The following PRH1 variants were observed in gnomAD, a reference collection of about 807,000 sequenced individuals.
The protein encoded by PRH1 is salivary acidic proline-rich phosphoprotein 1/2.
In PRH1, 7 loss-of-function variants were observed where a neutral mutation model predicts 7.9. That is an observed-to-expected ratio of 0.89 (90% CI 0.50 to 1.67). The LOEUF (loss-of-function observed/expected upper bound fraction) is 1.67. Ranked by LOEUF, PRH1 falls within the 40% of genes most tolerant of loss-of-function variation. PRH1 has a pLI of 0.00. For missense variants in PRH1, 109 were observed against 223.6 expected (o/e 0.49, Z 3.27); for synonymous variants, 45 against 80.8 (o/e 0.56, Z 2.38).
intron 2 of PRH1, among the ~76,000 whole-genome samples, chr12:10,901,084 C>G (rs966372033): frequency 6.6e-6 from 1 of 152,218 alleles, no homozygotes; most frequent in African/African-American, 2.4e-5. Context: ...TTCAAAGCAC[C>G]TGCTCACACA....
At chr12:10,920,791 G>A (rs554213818) in intron 2 of PRH1, among the ~76,000 whole-genome samples, 12 of 152,042 alleles carry the variant, frequency 7.9e-5, no homozygotes, top group Non-Finnish European at 1.5e-4. Flanking sequence ...CAATAAACAA[G>A]TATCTTTGTC....
At chr12:10,956,969 T>C (rs915264033) in intron 2 of PRH1, among the ~76,000 whole-genome samples, 1 of 151,980 alleles carries the variant, frequency 6.6e-6, no homozygotes. Context: ...ATCAATATTG[T>C]TTAAATGCCC....
At chr12:11,070,514 CTCTTCCAAGTG>C (rs1294811822) in intron 1 of PRH1, among the ~76,000 whole-genome samples, 23 of 152,256 alleles carry the variant, frequency 1.5e-4, no homozygotes, top group Middle Eastern at 6.8e-3. Flanking sequence ...CCGCTGTGGT[CTCTTCCAAGTG>C]TCTTCCAAGA....
intron 2 of PRH1, chr12:10,908,769 A>G (rs775398971): frequency 9.9e-6 from 16 of 1,613,860 alleles, no homozygotes; most frequent in African/African-American, 1.3e-5. Context: ...TTTGACCGAC[A>G]CTGAAAATGT....
At chr12:11,136,432 A>T (rs1946556566) in intron 1 of PRH1, among the ~76,000 whole-genome samples, 1 of 152,084 alleles carries the variant, frequency 6.6e-6, no homozygotes, top group South Asian at 2.1e-4. Context: ...TCTACTAGAG[A>T]ATTCTTTCAT....
chr12:10,897,317 C>A (rs1236871786), intron 2 of PRH1, among the ~76,000 whole-genome samples: 1 of 152,182 alleles, frequency 6.6e-6, no homozygotes, highest in African/African-American at 2.4e-5. Context: ...GGGGATATTT[C>A]TATCATTGCC....
At chr12:10,938,766 T>C in intron 2 of PRH1, 1 of 1,613,856 alleles carries the variant, frequency 6.2e-7, no homozygotes, top group Non-Finnish European at 8.5e-7. Flanking sequence ...TGGATGTTTA[T>C]CAGTGCAATA....
At position 10,945,126 on chromosome 12, in the gene PRH1, A is replaced by G. The variant is rs184534081; in HGVS notation, c.-59+28529T>C. Reference sequence around the variant, plus strand: ...ACTTTTTGGATTAGTTTCTGTAAAAATGGTAACAGCTCTTCTTTGTACACC... The same window carrying G: ...ACTTTTTGGATTAGTTTCTGTAAAAGTGGTAACAGCTCTTCTTTGTACACC... On this transcript the variant is annotated intron_variant, in intron 2 of 3. Transcript: ENST00000539853. Among the ~76,000 whole-genome samples the G allele has an allele frequency of 1.4e-3, 209 of 152,284 alleles. 3 individuals are homozygous for G. Among genetic ancestry groups the G allele is most frequent in the Admixed American group, 1.1e-3 (17 of 15,288 alleles).
intron 1 of PRH1, among the ~76,000 whole-genome samples, chr12:10,982,308 G>A (rs1018592415): frequency 2.6e-5 from 4 of 152,152 alleles, no homozygotes; most frequent in African/African-American, 9.7e-5. Flanking sequence ...TCCAGGGGGC[G>A]GTCGTCCATT....
intron 2 of PRH1, chr12:10,938,649 T>A (rs909873905): frequency 1.2e-6 from 2 of 1,613,916 alleles, no homozygotes; most frequent in African/African-American, 2.7e-5. Flanking sequence ...GGTATGAAAA[T>A]GAACACAGTG....
rs184240586 is a variant in PRH1, at chr12:11,096,954, C to A, written n.124-49766G>T. On this transcript the variant is annotated intron_variant and non_coding_transcript_variant, in intron 1 of 4. Coordinates refer to the PRH1 transcript ENST00000541977. Reference sequence around the variant, plus strand: ...CTGGGACTACAGGCACCCACCACCACGCTCGGCTAATTTTTTCGTATTTTT... The same window carrying A: ...CTGGGACTACAGGCACCCACCACCAAGCTCGGCTAATTTTTTCGTATTTTT... Among the ~76,000 whole-genome samples, 15 of 113,126 alleles carry A rather than the reference C, an allele frequency of 1.3e-4. 4 individuals are homozygous for A. The highest frequency in any genetic ancestry group is 4.5e-4 in the African/African-American group (15 of 33,486). 74.2% of individuals were successfully genotyped at this position (113,126 alleles called of 152,430 possible).
At chr12:11,059,893 G>T (rs979126086) in intron 1 of PRH1, among the ~76,000 whole-genome samples, 2 of 151,916 alleles carry the variant, frequency 1.3e-5, no homozygotes, top group South Asian at 2.1e-4. Context: ...TATCATTTTT[G>T]ACCATCTATT....
intron 1 of PRH1, among the ~76,000 whole-genome samples, chr12:11,146,058 T>C (rs1024051724): frequency 9.2e-5 from 14 of 152,176 alleles, no homozygotes; most frequent in Non-Finnish European, 1.9e-4. Flanking sequence ...TATGTATTTT[T>C]ATGCTAAATT....
chr12:10,893,185 C>T (rs919286541), intron 2 of PRH1, among the ~76,000 whole-genome samples: 1 of 152,196 alleles, frequency 6.6e-6, no homozygotes, highest in African/African-American at 2.4e-5. Context: ...TATTGAGCAG[C>T]ATCCTTGTCC....
intron 1 of PRH1, among the ~76,000 whole-genome samples, chr12:11,081,608 G>T (rs1944503605): frequency 8.6e-6 from 1 of 116,024 alleles, no homozygotes; most frequent in Admixed American, 8.6e-5. Flanking sequence ...TCTGTTGCTG[G>T]GTCATCACCA....
chr12:10,937,027 T>G (rs1453225896), intron 2 of PRH1, among the ~76,000 whole-genome samples: 2 of 152,134 alleles, frequency 1.3e-5, no homozygotes, highest in Non-Finnish European at 2.9e-5. Flanking sequence ...AATTCAGGAT[T>G]ACGGTTACAT....
intron 1 of PRH1, chr12:11,021,544 C>T (rs796722052): frequency 1.5e-6 from 1 of 655,178 alleles, no homozygotes; most frequent in Non-Finnish European, 2.4e-6. Context: ...AAATTACTCA[C>T]ATACAAACAC....
downstream of PRH1, among the ~76,000 whole-genome samples, chr12:11,119,164 G>C (rs1247511051): frequency 1.3e-5 from 2 of 152,122 alleles, no homozygotes; most frequent in African/African-American, 4.8e-5. Flanking sequence ...CAATGTTTGT[G>C]CAGAAAGGCA....
chr12:11,137,567 G>C (rs1360053742), intron 1 of PRH1, among the ~76,000 whole-genome samples: 1 of 151,984 alleles, frequency 6.6e-6, no homozygotes, highest in Non-Finnish European at 1.5e-5. Context: ...TACTAGGGAG[G>C]TTTAGTTCCA....
Sources: allele counts gnomAD v4.1 joint callset (sites outside exome capture counted in the v4.1 genomes callset), GRCh38; gene constraint gnomAD v4.1.1; transcripts MANE v1.5; gene names NCBI Gene and HGNC (gene_info 2026-07-23, HGNC 2026-07-21).